Variants in NEO1 observed in about 807,000 individuals in gnomAD.
NEO1 encodes the protein neogenin.
A neutral mutation model predicts 159.7 loss-of-function variants in NEO1; 63 were observed. The ratio of observed to expected loss-of-function variants is 0.39; its 90% CI spans 0.32 to 0.49. NEO1 has a LOEUF of 0.49. NEO1 is among the 20% of genes least tolerant of loss of function. NEO1 has a pLI of 0.85. For missense variants in NEO1, 1,615 were observed against 1,831.0 expected, an observed-to-expected ratio of 0.88 and a Z score of 2.15; for synonymous variants, 633 against 662.0, an observed-to-expected ratio of 0.96 and a Z score of 0.67.
intron 7 of NEO1, among the ~76,000 whole-genome samples, chr15:73,209,817 T>A (rs557805368): frequency 6.6e-6 from 1 of 151,822 alleles, no homozygotes; most frequent in East Asian, 1.9e-4. Context: ...CATGGTGAAA[T>A]CCTGTTTCTA....
chr15:73,078,402 T>G (rs909894631), intron 1 of NEO1, among the ~76,000 whole-genome samples: 2 of 152,206 alleles, frequency 1.3e-5, no homozygotes, highest in African/African-American at 4.8e-5. Context: ...TTTTATCACC[T>G]GAAATTTGTT....
At chr15:73,195,400 C>G (rs1476309280) in intron 7 of NEO1, among the ~76,000 whole-genome samples, 3 of 152,098 alleles carry the variant, frequency 2.0e-5, no homozygotes, top group Non-Finnish European at 2.9e-5. Flanking sequence ...CATATAGTTT[C>G]CATGCTGCGT....
At chr15:73,051,883 C>T (rs1409621217), upstream of NEO1, 3 of 152,218 alleles carry the variant, frequency 2.0e-5, no homozygotes, top group Non-Finnish European at 2.9e-5. Flanking sequence ...TATATAGAGG[C>T]TCCAGGCCCG....
At chr15:73,240,957 A>G (rs1227215736) in intron 8 of NEO1, among the ~76,000 whole-genome samples, 1 of 152,222 alleles carries the variant, frequency 6.6e-6, no homozygotes, top group East Asian at 1.9e-4. Flanking sequence ...CATCTAAAAA[A>G]CAAAAGTAAT....
At chr15:73,094,054 C>T (rs908035677) in intron 1 of NEO1, among the ~76,000 whole-genome samples, 2 of 152,104 alleles carry the variant, frequency 1.3e-5, no homozygotes, top group Non-Finnish European at 2.9e-5. Context: ...AGCCCTGGTT[C>T]CTTCTATAAC....
chr15:73,182,928 T>C (rs1325185223), intron 7 of NEO1, among the ~76,000 whole-genome samples: 1 of 152,158 alleles, frequency 6.6e-6, no homozygotes, highest in Non-Finnish European at 1.5e-5. Flanking sequence ...TGTTTCACTT[T>C]TGGCAGAACA....
chr15:73,064,857 T>G (rs1229372269), intron 1 of NEO1, among the ~76,000 whole-genome samples: 1 of 152,154 alleles, frequency 6.6e-6, no homozygotes, highest in African/African-American at 2.4e-5. Context: ...CTAAATCATG[T>G]CTATTTAATG....
chr15:73,063,439 C>T (rs1004131680), intron 1 of NEO1, among the ~76,000 whole-genome samples: 2 of 150,434 alleles, frequency 1.3e-5, no homozygotes, highest in African/African-American at 4.9e-5. Flanking sequence ...GCTAAAAATA[C>T]ATGAAAATTA....
At chr15:73,090,364 A>G (rs1432927026) in intron 1 of NEO1, among the ~76,000 whole-genome samples, 2 of 152,030 alleles carry the variant, frequency 1.3e-5, no homozygotes, top group East Asian at 1.9e-4. Flanking sequence ...CTATTACTCC[A>G]TGCATTTAAA....
chr15:73,087,025 A>T (rs912198221), intron 1 of NEO1, among the ~76,000 whole-genome samples: 15 of 152,098 alleles, frequency 9.9e-5, no homozygotes, highest in Non-Finnish European at 2.2e-4. Flanking sequence ...ATTACACTGG[A>T]TAGGATTTTC....
chr15:73,147,756 A>T (rs1230957116), intron 5 of NEO1, among the ~76,000 whole-genome samples: 3 of 151,344 alleles, frequency 2.0e-5, no homozygotes, highest in Non-Finnish European at 4.4e-5. Context: ...ATTAATTTTA[A>T]CTATCTTTTC....
chr15:73,262,170 A>C (rs1482289537), intron 15 of NEO1, among the ~76,000 whole-genome samples: 1 of 152,224 alleles, frequency 6.6e-6, no homozygotes, highest in African/African-American at 2.4e-5. Flanking sequence ...TCTAGAAGAA[A>C]GTGTAGGAAA....
chr15:73,216,580 CCT>C (rs1272499641), intron 7 of NEO1, among the ~76,000 whole-genome samples: 1 of 152,216 alleles, frequency 6.6e-6, no homozygotes, highest in Non-Finnish European at 1.5e-5. Context: ...TTCTCCACAT[CCT>C]CTCCAGCACC....
At chr15:73,230,367 A>T (rs963166017) in intron 7 of NEO1, among the ~76,000 whole-genome samples, 6 of 151,780 alleles carry the variant, frequency 4.0e-5, no homozygotes, top group Non-Finnish European at 8.8e-5. Flanking sequence ...TTTTTTAGTT[A>T]TCTGTAGGGT....
intron 23 of NEO1, among the ~76,000 whole-genome samples, chr15:73,287,393 G>A (rs762597379): frequency 7.9e-5 from 12 of 152,282 alleles, no homozygotes; most frequent in Non-Finnish European, 1.5e-4. Flanking sequence ...ATAGTTCAAC[G>A]TCTGTATTCC....
chr15:73,289,062 C>A (rs1286433032), intron 24 of NEO1, 84 bp from the exon 25 acceptor site: 2 of 985,256 alleles, frequency 2.0e-6, no homozygotes, highest in Non-Finnish European at 3.2e-6. Context: ...AATTCTGAAT[C>A]CCCTACTAGA....
At chr15:73,120,190 C>T (rs1437716736) in intron 2 of NEO1, among the ~76,000 whole-genome samples, 1 of 151,136 alleles carries the variant, frequency 6.6e-6, no homozygotes. Flanking sequence ...AAAATAGAAC[C>T]ATATTTTGGT....
In NEO1 at chr15:73,301,472, C is replaced by T. The variant is rs764373574; in HGVS notation, c.4302+15C>T. On this transcript the variant is annotated intron_variant, in intron 28 of 28. Transcript: ENST00000261908. The stretch of plus-strand genomic sequence containing the variant: ...ACTCCGAGAGTGTAAGTTCGTGGGG[C>T]CATCAGTCCAGCCAGATTGCCTGGG... 39 of 1,614,100 alleles carry T rather than the reference C, an allele frequency of 2.4e-5. No homozygotes were observed. Among genetic ancestry groups the T allele is most frequent in the Non-Finnish European group, 3.1e-5 (36 of 1,180,010 alleles).
intron 1 of NEO1, among the ~76,000 whole-genome samples, chr15:73,103,476 T>C (rs1473310119): frequency 1.3e-5 from 2 of 152,206 alleles, no homozygotes; most frequent in Non-Finnish European, 2.9e-5. Flanking sequence ...TGAGGTTTCA[T>C]GTCATTTTGC....
Sources: allele counts gnomAD v4.1 joint callset (sites outside exome capture counted in the v4.1 genomes callset), GRCh38; gene constraint gnomAD v4.1.1; transcripts MANE v1.5; gene names NCBI Gene and HGNC (gene_info 2026-07-23, HGNC 2026-07-21).